NIPBL: variants seen among roughly 807,000 people sequenced by gnomAD.
The protein encoded by NIPBL is NIPBL cohesin loading factor.
A neutral mutation model predicts 321.8 loss-of-function variants in NIPBL; 19 were observed. The ratio of observed to expected loss-of-function variants is 0.06; its 90% confidence interval spans 0.04 to 0.09. The LOEUF (loss-of-function observed/expected upper bound fraction) is 0.09, where lower values mean the gene tolerates loss of function less well. Ranked by LOEUF, NIPBL falls within the 10% of genes least tolerant of loss-of-function variation. NIPBL has a pLI of 1.00. For missense variants in NIPBL, 2,210 were observed against 3,327.0 expected, an observed-to-expected ratio of 0.66 and a Z score of 8.26; for synonymous variants, 1,106 against 1,114.1, an observed-to-expected ratio of 0.99 and a Z score of 0.14.
intron 1 of NIPBL, among the ~76,000 whole-genome samples, chr5:36,932,896 C>G (rs960087700): frequency 2.0e-5 from 3 of 149,800 alleles, no homozygotes; most frequent in African/African-American, 7.4e-5. Flanking sequence ...ACTCTCTGCT[C>G]AAGTGATCCT....
rs541909295 is a variant in NIPBL, at chr5:37,003,871, C to T, written c.3855+524C>T. On this transcript the variant is annotated intron_variant, in intron 16 of 46. Transcript: ENST00000282516. ...ATAATAAAGACATGAAAATGTTTGT[C>T]AATTTAAGGGGCAGTTCTTTAGTTT... 3.9e-5 allele frequency among the ~76,000 whole-genome samples: 6 copies of T among 152,184 alleles called. No homozygotes were observed. In the East Asian group the frequency reaches 1.2e-3, roughly 29 times the overall value.
At chr5:37,059,196 C>A (rs1299234003) in intron 44 of NIPBL, 31 bp downstream of exon 44, 3 of 1,609,834 alleles carry the variant, frequency 1.9e-6, no homozygotes, top group Non-Finnish European at 2.5e-6. Flanking sequence ...AGAGAAAAAA[C>A]TTCACTCTGT....
intron 1 of NIPBL, among the ~76,000 whole-genome samples, chr5:36,925,568 T>C (rs1010646258): frequency 3.9e-5 from 6 of 152,130 alleles, no homozygotes; most frequent in African/African-American, 1.4e-4. Flanking sequence ...GCCCAGCCAG[T>C]TCATTAATTT....
chr5:36,900,371 C>T (rs1747107681), intron 1 of NIPBL, among the ~76,000 whole-genome samples: 1 of 152,026 alleles, frequency 6.6e-6, no homozygotes, highest in Non-Finnish European at 1.5e-5. Context: ...CTTTAGCGTC[C>T]ATGAATTTCA....
intron 10 of NIPBL, among the ~76,000 whole-genome samples, chr5:36,987,607 A>G (rs1355897799): frequency 2.0e-5 from 3 of 152,216 alleles, no homozygotes; most frequent in African/African-American, 7.2e-5. Context: ...ATCTGTTGTT[A>G]TTCTTGCTTG....
intron 1 of NIPBL, among the ~76,000 whole-genome samples, chr5:36,936,235 A>G (rs749701478): frequency 1.3e-5 from 2 of 152,160 alleles, no homozygotes; most frequent in Non-Finnish European, 2.9e-5. Flanking sequence ...AATAATCATA[A>G]TACTGATTTT....
At chr5:37,003,214 T>C (rs1166668615) in intron 15 of NIPBL, 47 bp from the exon 16 acceptor site, 3 of 1,075,854 alleles carry the variant, frequency 2.8e-6, no homozygotes, top group East Asian at 2.4e-5. Flanking sequence ...TTGAATAATA[T>C]ATAACTTTTA....
intron 1 of NIPBL, among the ~76,000 whole-genome samples, chr5:36,919,578 C>T (rs1269212916): frequency 1.3e-5 from 2 of 152,092 alleles, no homozygotes; most frequent in East Asian, 3.9e-4. Context: ...TGAACACACC[C>T]TGTGATGAAG....
intron 10 of NIPBL, among the ~76,000 whole-genome samples, chr5:36,987,040 A>G (rs1744896453): frequency 6.6e-6 from 1 of 152,040 alleles, no homozygotes; most frequent in Admixed American, 6.6e-5. Flanking sequence ...AAGTATTTAA[A>G]ATAACTTTTT....
At chr5:37,053,046 A>G (rs377074662) in intron 42 of NIPBL, among the ~76,000 whole-genome samples, 1 of 152,302 alleles carries the variant, frequency 6.6e-6, no homozygotes, top group African/African-American at 2.4e-5. Flanking sequence ...CATGACCCCC[A>G]GTGGATGCAT....
At chr5:37,047,308 A>G (rs1464811079) in intron 38 of NIPBL, among the ~76,000 whole-genome samples, 1 of 152,232 alleles carries the variant, frequency 6.6e-6, no homozygotes, top group Non-Finnish European at 1.5e-5. Flanking sequence ...ATTAAGGTTT[A>G]TACTTTAATC....
intron 38 of NIPBL, among the ~76,000 whole-genome samples, chr5:37,048,242 A>G (rs1753174335): frequency 6.6e-6 from 1 of 152,104 alleles, no homozygotes; most frequent in Admixed American, 6.6e-5. Flanking sequence ...TCCCCTAGCC[A>G]CTAGGCCCTG....
chr5:36,995,601 A>T (rs754450873), intron 10 of NIPBL, 21 bp from the exon 11 acceptor site: 398 of 1,536,326 alleles, frequency 2.6e-4, no homozygotes, highest in Middle Eastern at 6.8e-4. Flanking sequence ...TTTTTTTTTT[A>T]AATTTACCTT....
intron 2 of NIPBL, among the ~76,000 whole-genome samples, chr5:36,953,967 T>C (rs1048442972): frequency 2.6e-5 from 4 of 152,240 alleles, no homozygotes; most frequent in African/African-American, 9.6e-5. Flanking sequence ...TTCAGTAATC[T>C]GTTGGAGCTT....
At chr5:36,991,984 TTAA>T (rs1480737021) in intron 10 of NIPBL, among the ~76,000 whole-genome samples, 11 of 152,134 alleles carry the variant, frequency 7.2e-5, no homozygotes, top group Admixed American at 7.2e-4. Flanking sequence ...ATTTCTGGTT[TTAA>T]TAATCTGGCA....
At chr5:36,892,012 A>G (rs1332276478) in intron 1 of NIPBL, among the ~76,000 whole-genome samples, 1 of 152,134 alleles carries the variant, frequency 6.6e-6, no homozygotes, top group Non-Finnish European at 1.5e-5. Context: ...GCCTGTGAGT[A>G]AAAATATAGT....
chr5:36,966,857 A>G (rs1443145582), intron 6 of NIPBL, among the ~76,000 whole-genome samples: 2 of 152,072 alleles, frequency 1.3e-5, no homozygotes, highest in Non-Finnish European at 2.9e-5. Flanking sequence ...GTATTTTTTA[A>G]GTCATAAAAT....
At chr5:36,883,557 T>TA (rs1554055480) in intron 1 of NIPBL, among the ~76,000 whole-genome samples, 23 of 151,404 alleles carry the variant, frequency 1.5e-4, no homozygotes, top group Middle Eastern at 3.4e-3. Context: ...TCTAAAACAC[T>TA]AATTATTAAA....
At position 36,962,116 on chromosome 5, in the gene NIPBL, GT is replaced by G. The variant is rs756481603; in HGVS notation, c.459-3del. ...TTATATTTTTTTATTTGGGTTTTGG[GT>G]TTTAGCCGGTTTGTGCCACCACAGA... On this transcript the variant is annotated splice_region_variant and splice_polypyrimidine_tract_variant and intron_variant, in intron 5 of 46. Coordinates refer to ENST00000282516, the MANE Select transcript of NIPBL (RefSeq NM_133433.4). 5.0e-6 allele frequency: 8 copies of G among 1,613,892 alleles called. No homozygotes were observed. The Admixed American group carries it at 1.0e-4, about 20-fold the overall frequency.
Sources: gnomAD v4.1 joint callset for allele counts (sites outside exome capture counted in the v4.1 genomes callset) on GRCh38, gnomAD v4.1.1 for gene constraint, MANE v1.5 for transcripts, NCBI Gene and HGNC (gene_info 2026-07-23, HGNC 2026-07-21) for gene names.